Variants in PRKN observed in about 807,000 individuals in gnomAD.
The protein encoded by PRKN is parkin RBR E3 ubiquitin protein ligase, also known as E3 ubiquitin-protein ligase parkin.
In PRKN, 56 loss-of-function variants were observed where a neutral mutation model predicts 59.5. That is an observed-to-expected ratio of 0.94 (90% confidence interval 0.76 to 1.18). PRKN has a LOEUF of 1.18. PRKN is among the 50% of genes most tolerant of loss of function. The pLI, the probability that PRKN is intolerant of heterozygous loss-of-function variation, is 0.00. For missense variants in PRKN, 657 were observed against 596.4 expected, an observed-to-expected ratio of 1.10 and a Z score of -1.06; for synonymous variants, 250 against 222.1, an observed-to-expected ratio of 1.13 and a Z score of -1.12.
chr6:162,517,317 G>A (rs542121899), intron 1 of PRKN, among the ~76,000 whole-genome samples: 1 of 149,552 alleles, frequency 6.7e-6, no homozygotes, highest in Non-Finnish European at 1.5e-5. Context: ...ACACAATCTC[G>A]GCTCACTGCA....
At chr6:161,847,378 A>C (rs1344859314) in intron 6 of PRKN, among the ~76,000 whole-genome samples, 1 of 152,044 alleles carries the variant, frequency 6.6e-6, no homozygotes, top group Non-Finnish European at 1.5e-5. Context: ...GCAAAAAACT[A>C]CCGATTTTCT....
At chr6:162,085,042 T>A (rs1779198252) in intron 4 of PRKN, among the ~76,000 whole-genome samples, 1 of 133,220 alleles carries the variant, frequency 7.5e-6, no homozygotes, top group African/African-American at 3.1e-5. Flanking sequence ...AGTTGATCAG[T>A]GTCCTACCAC....
rs112277245 is a variant in PRKN, at chr6:161,769,989, CA to C, written c.871+15782del. ...ATCCTGGGAGAGCCAGGGACTGAGA[CA>C]TGACCACAAATGCTGTCCTAGCCAC... On this transcript the variant is annotated intron_variant, in intron 7 of 11. Transcript: ENST00000366898. Among the ~76,000 whole-genome samples, 6 of 152,284 alleles carry C rather than the reference CA, an allele frequency of 3.9e-5. 1 individual carries two copies. Among genetic ancestry groups the C allele is most frequent in the African/African-American group, 1.4e-4 (6 of 41,566 alleles).
intron 6 of PRKN, among the ~76,000 whole-genome samples, chr6:161,859,628 A>AAAAAC (rs1793809263): frequency 6.6e-6 from 1 of 151,226 alleles, no homozygotes; most frequent in Non-Finnish European, 1.5e-5. Flanking sequence ...AAAAAAAAAA[A>AAAAAC]AGAGAAAGAG....
At chr6:162,379,237 G>A (rs1786293397) in intron 2 of PRKN, among the ~76,000 whole-genome samples, 2 of 152,050 alleles carry the variant, frequency 1.3e-5, no homozygotes, top group Non-Finnish European at 1.5e-5. Flanking sequence ...AAGATGGCTG[G>A]ATACCAGCAT....
intron 7 of PRKN, among the ~76,000 whole-genome samples, chr6:161,615,923 G>T (rs578010174): frequency 6.6e-6 from 1 of 152,272 alleles, no homozygotes; most frequent in South Asian, 2.1e-4. Context: ...CCCTCTCTCG[G>T]GTAAGCATCT....
chr6:161,497,794 A>C lies in PRKN; in HGVS notation c.1083+51060T>G, dbSNP rs962902393. 6.6e-6 allele frequency among the ~76,000 whole-genome samples: 1 copy of C among 152,236 alleles called. No individual in the cohort carries two copies. The highest frequency in any genetic ancestry group is 2.4e-5 in the African/African-American group (1 of 41,468). ...TTGCCAAGGTGGGTGGGAAGTCGGC[A>C]GCAGGGATCAGTAGCTGTAGCTGCT... On this transcript the variant is annotated intron_variant, in intron 9 of 11. Transcript: ENST00000366898. The surrounding 1 kb of genome is among the most constrained non-coding windows in gnomAD (Gnocchi z 4.6).
intron 4 of PRKN, among the ~76,000 whole-genome samples, chr6:162,185,387 TAAAGG>T: frequency 6.6e-6 from 1 of 152,056 alleles, no homozygotes. Context: ...GGTTTCCAAA[TAAAGG>T]AAACAAAAAC....
intron 7 of PRKN, among the ~76,000 whole-genome samples, chr6:161,638,415 G>A (rs1783610557): frequency 6.6e-6 from 1 of 152,150 alleles, no homozygotes. Flanking sequence ...GATTACAGGT[G>A]TGAGCCATCG....
intron 1 of PRKN, among the ~76,000 whole-genome samples, chr6:162,698,456 C>T (rs1778042776): frequency 6.6e-6 from 1 of 152,158 alleles, no homozygotes; most frequent in Non-Finnish European, 1.5e-5. Context: ...TTGTCTTCCT[C>T]CCTATACCTC....
intron 2 of PRKN, chr6:162,266,319 T>TC (rs1458784634): frequency 6.6e-6 from 1 of 152,640 alleles, no homozygotes; most frequent in Non-Finnish European, 1.5e-5. Flanking sequence ...TGTGTGTGTG[T>TC]GTGTGTGTGT....
chr6:162,244,491 T>C lies in PRKN; in HGVS notation c.412+18034A>G, dbSNP rs529003164. Reference sequence around the variant, plus strand: ...GAACTTCTTGACAAATTCAAATTATTATATAAAGTTTCTCATTGAGTAGCT... The same window carrying C: ...GAACTTCTTGACAAATTCAAATTATCATATAAAGTTTCTCATTGAGTAGCT... On this transcript the variant is annotated intron_variant, in intron 3 of 11. Transcript: ENST00000366898. 1.3e-3 allele frequency among the ~76,000 whole-genome samples: 195 copies of C among 152,228 alleles called. 1 individual carries two copies. Among genetic ancestry groups the C allele is most frequent in the African/African-American group, 4.3e-3 (179 of 41,560 alleles).
chr6:162,078,398 G>A (rs182644245), intron 4 of PRKN, among the ~76,000 whole-genome samples: 4 of 152,024 alleles, frequency 2.6e-5, no homozygotes, highest in African/African-American at 4.8e-5. Flanking sequence ...ATTAGTAATT[G>A]TGATATTATT....
intron 7 of PRKN, among the ~76,000 whole-genome samples, chr6:161,631,384 GT>G (rs1294450599): frequency 6.6e-6 from 1 of 152,218 alleles, no homozygotes; most frequent in East Asian, 1.9e-4. Context: ...AGACTCACAA[GT>G]AGCTCAGTCA....
At chr6:161,675,946 G>A (rs1264876969) in intron 7 of PRKN, among the ~76,000 whole-genome samples, 1 of 152,234 alleles carries the variant, frequency 6.6e-6, no homozygotes, top group Admixed American at 6.5e-5. Context: ...AGGTGAGGCT[G>A]CTTCAGGTCA....
In PRKN at chr6:161,390,370, T is replaced by C. The variant is rs1348844136; in HGVS notation, c.1084-3493A>G. On this transcript the variant is annotated intron_variant, in intron 9 of 11. Coordinates refer to ENST00000366898, the MANE Select transcript of PRKN (RefSeq NM_004562.3). The surrounding 1 kb of genome is among the most constrained non-coding windows in gnomAD (Gnocchi z 7.0). The stretch of plus-strand genomic sequence containing the variant: ...CTCAAGGTAGTTCCCAGTGTTAATG[T>C]AGATTGTGCTATTTTCCTTTTGGTG... Among the ~76,000 whole-genome samples the C allele has an allele frequency of 6.6e-6, 1 of 152,250 alleles. No individual in the cohort carries two copies. Among genetic ancestry groups the C allele is most frequent in the Non-Finnish European group, 1.5e-5 (1 of 68,040 alleles).
At chr6:161,777,914 ATATATGTATG>A (rs1790029106) in intron 7 of PRKN, among the ~76,000 whole-genome samples, 2 of 148,166 alleles carry the variant, frequency 1.3e-5, no homozygotes, top group African/African-American at 4.9e-5. Context: ...ATATGTGTAT[ATATATGTATG>A]TATATCTAGT....
chr6:162,294,737 T>TA lies in PRKN; in HGVS notation c.172-31973dup, dbSNP rs367932933. 8.0e-4 allele frequency among the ~76,000 whole-genome samples: 116 copies of TA among 145,458 alleles called. 2 individuals are homozygous for TA. In the South Asian group the frequency reaches 0.02, roughly 25 times the overall value. ...GAAGAGAATAAGAATAGAATAAGAG[T>TA]AAAAAAAAAGAGAAATACAATACAA... On this transcript the variant is annotated intron_variant, in intron 2 of 11. Transcript: ENST00000366898.
chr6:162,560,604 T>A lies in PRKN; in HGVS notation c.8-117131A>T, dbSNP rs951823902. ...ATATAGTAAAAACATAAATTTGAAC[T>A]AATGTCATAACACCCTTCTGGTGTC... On this transcript the variant is annotated intron_variant, in intron 1 of 11. Transcript: ENST00000366898. Among the ~76,000 whole-genome samples the A allele has an allele frequency of 3.3e-5, 5 of 152,296 alleles. No individual in the cohort carries two copies. In the East Asian group the frequency reaches 9.6e-4, roughly 29 times the overall value.
Sources: gnomAD v4.1 joint callset for allele counts (sites outside exome capture counted in the v4.1 genomes callset) on GRCh38, gnomAD v4.1.1 for gene constraint, Gnocchi (gnomAD v3.1) non-coding constraint, MANE v1.5 for transcripts, NCBI Gene and HGNC (gene_info 2026-07-23, HGNC 2026-07-21) for gene names.